Variants in HECW1 observed in about 807,000 individuals in gnomAD.
HECW1 encodes the protein E3 ubiquitin-protein ligase HECW1.
Under a neutral mutation model 182.3 loss-of-function variants are expected in HECW1, and 61 were observed. The observed-to-expected ratio is 0.33, with a 90% CI of 0.27 to 0.41. The LOEUF is 0.41. Among genes scored for constraint, HECW1 ranks in the 10% least tolerant of loss-of-function variants. The probability of loss-of-function intolerance (pLI) is 1.00; values close to 1 mark genes in which losing one functional copy is unlikely to be tolerated. For missense variants in HECW1, 1,739 were observed against 2,108.9 expected (o/e 0.82, Z 3.44); for synonymous variants, 859 against 832.6 (o/e 1.03, Z -0.55).
chr7:43,141,585 G>C (rs942842416), intron 2 of HECW1, among the ~76,000 whole-genome samples: 1 of 151,892 alleles, frequency 6.6e-6, no homozygotes, highest in East Asian at 1.9e-4. Context: ...CCGCGCCTCC[G>C]CCTCCTGGGT....
intron 12 of HECW1, among the ~76,000 whole-genome samples, chr7:43,455,686 G>A (rs4724209): frequency 0.61 from 92,711 of 152,036 alleles, 28,503 homozygotes; most frequent in Middle Eastern, 0.72. Flanking sequence ...TAGAATTTTT[G>A]TATTCGTCAC....
At chr7:43,285,464 T>G (rs1804517733) in intron 3 of HECW1, among the ~76,000 whole-genome samples, 1 of 152,192 alleles carries the variant, frequency 6.6e-6, no homozygotes, top group South Asian at 2.1e-4. Flanking sequence ...CATATGCCAC[T>G]TGGACTGTAA....
chr7:43,115,136 A>G (rs763608577), intron 2 of HECW1, among the ~76,000 whole-genome samples: 4 of 152,212 alleles, frequency 2.6e-5, no homozygotes, highest in Non-Finnish European at 5.9e-5. Context: ...GGAGTAAGAA[A>G]AGTTACCCAG....
At chr7:43,220,728 TG>T (rs1424168457) in intron 2 of HECW1, among the ~76,000 whole-genome samples, 4 of 152,202 alleles carry the variant, frequency 2.6e-5, no homozygotes, top group African/African-American at 9.6e-5. Flanking sequence ...AAGAAAATGT[TG>T]ACGTGTTGGT....
intron 2 of HECW1, among the ~76,000 whole-genome samples, chr7:43,160,625 T>A (rs1009387235): frequency 6.6e-6 from 1 of 152,204 alleles, no homozygotes; most frequent in African/African-American, 2.4e-5. Flanking sequence ...GTTTCTTTCG[T>A]TCCATTGATC....
intron 2 of HECW1, among the ~76,000 whole-genome samples, chr7:43,242,892 C>A (rs936911984): frequency 6.6e-6 from 1 of 152,162 alleles, no homozygotes; most frequent in Non-Finnish European, 1.5e-5. Flanking sequence ...GGGCGTTGGA[C>A]ACAGAGCAGG....
intron 2 of HECW1, among the ~76,000 whole-genome samples, chr7:43,230,047 G>A (rs1425602228): frequency 6.6e-6 from 1 of 152,210 alleles, no homozygotes; most frequent in East Asian, 1.9e-4. Context: ...GGAAACATCA[G>A]GCAAATTTAA....
At chr7:43,272,664 A>G (rs1018900446) in intron 3 of HECW1, among the ~76,000 whole-genome samples, 4 of 152,138 alleles carry the variant, frequency 2.6e-5, no homozygotes, top group African/African-American at 9.7e-5. Context: ...TATTAGGGTC[A>G]AAAAACAGAT....
intron 3 of HECW1, among the ~76,000 whole-genome samples, chr7:43,304,785 C>A (rs1223587766): frequency 1.3e-5 from 2 of 152,242 alleles, no homozygotes; most frequent in Non-Finnish European, 2.9e-5. Flanking sequence ...TGAGCCATAG[C>A]ACCCAGCCTC....
chr7:43,326,997 A>C, intron 5 of HECW1, among the ~76,000 whole-genome samples: 1 of 152,198 alleles, frequency 6.6e-6, no homozygotes, highest in East Asian at 1.9e-4. Context: ...CTTTTATTTC[A>C]ACTTGGGCAT....
At chr7:43,325,936 T>C (rs1205515428) in intron 5 of HECW1, among the ~76,000 whole-genome samples, 2 of 152,222 alleles carry the variant, frequency 1.3e-5, no homozygotes, top group Non-Finnish European at 2.9e-5. Flanking sequence ...TTTTCCATCA[T>C]GCCATCTGTC....
chr7:43,333,616 A>T (rs1289777690), intron 5 of HECW1, among the ~76,000 whole-genome samples: 1 of 152,210 alleles, frequency 6.6e-6, no homozygotes, highest in Non-Finnish European at 1.5e-5. Flanking sequence ...TCAATTATAT[A>T]ATGAATGAAT....
rs145361730 is a variant in HECW1, at chr7:43,302,669, G to A, written c.28-9094G>A. 4.7e-3 allele frequency among the ~76,000 whole-genome samples: 718 copies of A among 152,298 alleles called. 7 individuals carry two copies. Among genetic ancestry groups the A allele is most frequent in the African/African-American group, 0.017 (687 of 41,552 alleles). ...GCAGCTCCACCTCCCTTTCTCTCCTGTATGGTCCGCAGGGCTCCTGGAGCT... is the reference window on the plus strand; with the variant it reads ...GCAGCTCCACCTCCCTTTCTCTCCTATATGGTCCGCAGGGCTCCTGGAGCT... On this transcript the variant is annotated intron_variant, in intron 3 of 29. Coordinates refer to ENST00000395891, the MANE Select transcript of HECW1 (RefSeq NM_015052.5).
intron 3 of HECW1, among the ~76,000 whole-genome samples, chr7:43,298,750 G>A (rs1806346663): frequency 6.6e-6 from 1 of 152,194 alleles, no homozygotes; most frequent in Non-Finnish European, 1.5e-5. Context: ...GAGAAGCAGT[G>A]TGAATGGCAA....
chr7:43,130,353 T>C (rs921939317), intron 2 of HECW1, among the ~76,000 whole-genome samples: 7 of 152,212 alleles, frequency 4.6e-5, no homozygotes, highest in African/African-American at 1.7e-4. Context: ...ATGTACGCCT[T>C]ATGCACATAT....
chr7:43,360,658 G>T (rs1473897218), intron 5 of HECW1, among the ~76,000 whole-genome samples: 3 of 152,128 alleles, frequency 2.0e-5, no homozygotes, highest in Middle Eastern at 3.2e-3. Flanking sequence ...CTAAATAATG[G>T]ACTTAACTTG....
chr7:43,386,098 A>ACCACGTGGTCC (rs1278467892), intron 6 of HECW1, among the ~76,000 whole-genome samples: 1 of 152,108 alleles, frequency 6.6e-6, no homozygotes, highest in African/African-American at 2.4e-5. Context: ...CACATTCCTT[A>ACCACGTGGTCC]CCACGTGGTC....
intron 16 of HECW1, among the ~76,000 whole-genome samples, chr7:43,469,491 G>A (rs527945819): frequency 6.6e-6 from 1 of 152,264 alleles, no homozygotes; most frequent in Non-Finnish European, 1.5e-5. Flanking sequence ...AACTCTCAGG[G>A]GATGAACTCA....
At chr7:43,539,194 TG>T (rs1399867571) in intron 24 of HECW1, among the ~76,000 whole-genome samples, 1 of 152,250 alleles carries the variant, frequency 6.6e-6, no homozygotes, top group Non-Finnish European at 1.5e-5. Context: ...TTAGGATTTA[TG>T]TACAAGTGCA....
Sources: allele counts gnomAD v4.1 joint callset (sites outside exome capture counted in the v4.1 genomes callset), GRCh38; gene constraint gnomAD v4.1.1; transcripts MANE v1.5; gene names NCBI Gene and HGNC (gene_info 2026-07-23, HGNC 2026-07-21).